The following SLF1 variants were observed in gnomAD, a reference collection of about 807,000 sequenced individuals.
The protein encoded by SLF1 is SMC5-SMC6 complex localization factor protein 1.
SLF1 carries 105 observed loss-of-function variants against 123.0 expected under a neutral mutation model. The ratio of observed to expected loss-of-function variants is 0.85; its 90% CI spans 0.73 to 1.00. The LOEUF (loss-of-function observed/expected upper bound fraction) is 1.00, where lower values mean the gene tolerates loss of function less well. Ranked by LOEUF, SLF1 falls within the 50% of genes least tolerant of loss-of-function variation. The probability of loss-of-function intolerance (pLI) is 0.00; values close to 1 mark genes in which losing one functional copy is unlikely to be tolerated. For missense variants in SLF1, 1,239 were observed against 1,223.0 expected, an observed-to-expected ratio of 1.01 and a Z score of -0.20; for synonymous variants, 434 against 406.6, an observed-to-expected ratio of 1.07 and a Z score of -0.81.
chr5:94,690,267 G>C (rs1752924785), intron 18 of SLF1, among the ~76,000 whole-genome samples: 1 of 151,996 alleles, frequency 6.6e-6, no homozygotes, highest in Non-Finnish European at 1.5e-5. Context: ...TGTTGTTGTT[G>C]TTTATGAGTT....
chr5:94,635,013 C>G (rs1745595576), intron 4 of SLF1, among the ~76,000 whole-genome samples: 1 of 152,100 alleles, frequency 6.6e-6, no homozygotes, highest in Non-Finnish European at 1.5e-5. Flanking sequence ...TTAAATGTTT[C>G]CTTTGCTGTG....
At chr5:94,629,925 A>ACTTGT (rs1379391057) in intron 3 of SLF1, among the ~76,000 whole-genome samples, 1 of 152,192 alleles carries the variant, frequency 6.6e-6, no homozygotes. Context: ...CAAAAGGATC[A>ACTTGT]CTTGTGCCAA....
intron 14 of SLF1, among the ~76,000 whole-genome samples, chr5:94,673,662 C>G (rs1487830265): frequency 6.9e-6 from 1 of 145,794 alleles, no homozygotes; most frequent in African/African-American, 2.6e-5. Flanking sequence ...AGCATTCCAG[C>G]CTGGGTGACA....
intron 20 of SLF1, among the ~76,000 whole-genome samples, chr5:94,694,607 G>T (rs1439152790): frequency 6.6e-6 from 1 of 151,728 alleles, no homozygotes; most frequent in Non-Finnish European, 1.5e-5. Flanking sequence ...TTATTTAACG[G>T]AGGCATGCAC....
chr5:94,659,210 G>A (rs1420422700), intron 9 of SLF1, among the ~76,000 whole-genome samples: 1 of 151,640 alleles, frequency 6.6e-6, no homozygotes, highest in East Asian at 1.9e-4. Flanking sequence ...TTATCTCTTT[G>A]TTGAATTTCT....
intron 12 of SLF1, 86 bp downstream of exon 12, chr5:94,666,110 A>G (rs903498960): frequency 7.8e-6 from 10 of 1,277,098 alleles, no homozygotes; most frequent in Middle Eastern, 1.9e-4. Context: ...TGAAAGAAGT[A>G]TCTTTCTACT....
At chr5:94,631,992 A>G (rs1358808208) in intron 4 of SLF1, among the ~76,000 whole-genome samples, 1 of 146,584 alleles carries the variant, frequency 6.8e-6, no homozygotes, top group Non-Finnish European at 1.5e-5. Context: ...TTTTTTTCCA[A>G]ATTAAATTAG....
At chr5:94,637,777 G>C (rs1240593483) in intron 4 of SLF1, among the ~76,000 whole-genome samples, 2 of 152,094 alleles carry the variant, frequency 1.3e-5, no homozygotes, top group African/African-American at 4.8e-5. Context: ...ACTGAATGCT[G>C]TTCTGCATAT....
chr5:94,670,253 A>C lies in SLF1; in HGVS notation c.1635A>C (p.Glu545Asp). 6.6e-7 allele frequency: 1 copy of C among 1,512,644 alleles called. No individual in the cohort carries two copies. Among genetic ancestry groups the C allele is most frequent in the Non-Finnish European group, 8.8e-7 (1 of 1,133,208 alleles). The allele number at this position is 1,512,644 out of a possible 1,614,324, so 93.7% of individuals were successfully genotyped here. A position where few individuals can be genotyped will look rare whatever the true frequency, so the allele number is the denominator to read the frequency against. ...TCAAATTTTTCTTTAATTTAATTGAAAGTGAAGTACAACATCTGAGTCAAA... is the reference window on the plus strand; with the variant it reads ...TCAAATTTTTCTTTAATTTAATTGACAGTGAAGTACAACATCTGAGTCAAA... ...TLLKFFFNLIESEVQHLSQKL... is the reference protein window; with the variant it reads ...TLLKFFFNLIDSEVQHLSQKL... Residue 545 changes from glutamate to aspartate, a missense_variant, in exon 13 of 21, where the codon GAA becomes GAC. Physicochemically the swap from Glu to Asp is conservative, Grantham distance 45 (BLOSUM62 2). Transcript: ENST00000265140.
chr5:94,630,341 C>T (rs557625390), intron 3 of SLF1, among the ~76,000 whole-genome samples, 162 bp from the exon 4 acceptor site: 1 of 152,266 alleles, frequency 6.6e-6, no homozygotes, highest in South Asian at 2.1e-4. Context: ...AAGCCTCTTA[C>T]TATCAGAAAA....
chr5:94,661,336 T>C (rs756271698), intron 9 of SLF1, among the ~76,000 whole-genome samples: 9 of 152,134 alleles, frequency 5.9e-5, no homozygotes, highest in Non-Finnish European at 1.3e-4. Flanking sequence ...CCAGTTCCAT[T>C]TGAGCCAGCT....
At chr5:94,664,077 ATACTAGGTAC>A (rs1223934858) in intron 11 of SLF1, among the ~76,000 whole-genome samples, 169 bp downstream of exon 11, 12 of 152,034 alleles carry the variant, frequency 7.9e-5, no homozygotes, top group Non-Finnish European at 1.5e-4. Context: ...TTCCAGCTAC[ATACTAGGTAC>A]TACTCTTAGT....
intron 12 of SLF1, among the ~76,000 whole-genome samples, chr5:94,669,332 A>G (rs1175824882): frequency 1.3e-5 from 2 of 152,186 alleles, no homozygotes; most frequent in African/African-American, 4.8e-5. Context: ...TTGTATTAAA[A>G]AAGAAGACAG....
rs1002377047 is a variant in SLF1, at chr5:94,618,752, C to T, written c.-14C>T. On this transcript the variant is annotated 5_prime_UTR_variant, in exon 1 of 21. Coordinates refer to ENST00000265140, the MANE Select transcript of SLF1 (RefSeq NM_032290.4). Reference sequence around the variant, plus strand: ...GCCGCTGCCACCGAAGGAAGCATCCCAGACACCGGGAAGGTAAAGGGGCTC... The same window carrying T: ...GCCGCTGCCACCGAAGGAAGCATCCTAGACACCGGGAAGGTAAAGGGGCTC... 7.1e-5 allele frequency: 11 copies of T among 154,846 alleles called. No individual in the cohort carries two copies. Among genetic ancestry groups the T allele is most frequent in the African/African-American group, 2.4e-4 (10 of 41,522 alleles). 9.6% of individuals were successfully genotyped at this position (154,846 alleles called of 1,614,324 possible).
In SLF1 at chr5:94,686,655, T is replaced by C. The variant is rs776118333; in HGVS notation, c.2058T>C (p.Phe686=). Residue 686 remains phenylalanine (F), a synonymous_variant, in exon 16 of 21, where the codon TTT becomes TTC. Coordinates refer to ENST00000265140, the MANE Select transcript of SLF1 (RefSeq NM_032290.4). Reference sequence around the variant, plus strand: ...AAATGTTTGTTGCAGAGGCAGTCTTTAAAAAGTTGTGTCTACAGAGCTCTG... The same window carrying C: ...AAATGTTTGTTGCAGAGGCAGTCTTCAAAAAGTTGTGTCTACAGAGCTCTG... ...WLQMFVAEAV[F]KKLCLQSSGS... is the part of the protein sequence containing the mutation. 6.2e-7 allele frequency: 1 copy of C among 1,614,030 alleles called. No individual in the cohort carries two copies. Among genetic ancestry groups the C allele is most frequent in the African/African-American group, 1.3e-5 (1 of 74,946 alleles).
chr5:94,690,786 T>G (rs942236835), intron 18 of SLF1, among the ~76,000 whole-genome samples: 4 of 152,170 alleles, frequency 2.6e-5, no homozygotes, highest in African/African-American at 9.6e-5. Flanking sequence ...TAATCTTGGT[T>G]GTAACAGTGA....
intron 4 of SLF1, among the ~76,000 whole-genome samples, chr5:94,636,145 GC>G (rs1215280397): frequency 1.3e-5 from 2 of 152,110 alleles, no homozygotes; most frequent in Admixed American, 1.3e-4. Flanking sequence ...TGCTTTCAAA[GC>G]CACTGGTAAT....
chr5:94,666,560 C>T (rs1395480127), intron 12 of SLF1, among the ~76,000 whole-genome samples: 2 of 152,130 alleles, frequency 1.3e-5, no homozygotes, highest in Admixed American at 1.3e-4. Flanking sequence ...TCTGTTTCAC[C>T]TTCTTTCTCC....
intron 18 of SLF1, chr5:94,691,214 G>A: frequency 4.7e-6 from 1 of 214,836 alleles, no homozygotes; most frequent in Non-Finnish European, 9.2e-6. Context: ...TTTTATTGCT[G>A]CAAAACCCAG....
Sources: allele counts gnomAD v4.1 joint callset (sites outside exome capture counted in the v4.1 genomes callset), GRCh38; gene constraint gnomAD v4.1.1; transcripts MANE v1.5; gene names NCBI Gene and HGNC (gene_info 2026-07-23, HGNC 2026-07-21).